Variants in DHRS4L2 observed in about 807,000 individuals in gnomAD.
The protein encoded by DHRS4L2 is dehydrogenase/reductase SDR family member 4-like 2.
DHRS4L2 carries 22 observed loss-of-function variants against 23.9 expected under a neutral mutation model. That is an observed-to-expected ratio of 0.92 (90% CI 0.66 to 1.31). The LOEUF (loss-of-function observed/expected upper bound fraction) is 1.31, where lower values mean the gene tolerates loss of function less well. DHRS4L2 is among the 40% of genes most tolerant of loss of function. The probability of loss-of-function intolerance (pLI) is 0.00; values close to 1 mark genes in which losing one functional copy is unlikely to be tolerated. For missense variants in DHRS4L2, 385 were observed against 303.3 expected (o/e 1.27, Z -2.00); for synonymous variants, 141 against 123.7 (o/e 1.14, Z -0.93).
At chr14:23,976,179 A>G (rs1428446967) in intron 1 of DHRS4L2, among the ~76,000 whole-genome samples, 4 of 151,862 alleles carry the variant, frequency 2.6e-5, no homozygotes, top group Admixed American at 6.6e-5. Context: ...CAACCTACAG[A>G]ATAGGAGAAA....
chr14:23,991,544 C>A (rs1353027710), intron 2 of DHRS4L2, among the ~76,000 whole-genome samples: 2 of 151,666 alleles, frequency 1.3e-5, no homozygotes, highest in Non-Finnish European at 2.9e-5. Flanking sequence ...TGAGCTAAAC[C>A]TTAAGGAATG....
chr14:23,988,847 A>T (rs981542231), upstream of DHRS4L2: 1 of 1,469,888 alleles, frequency 6.8e-7, no homozygotes, highest in African/African-American at 1.4e-5. Flanking sequence ...GAGGGCGGGA[A>T]GGGGGCAGGC....
intron 5 of DHRS4L2, 67 bp from the exon 6 acceptor site, chr14:24,001,317 T>C: frequency 6.3e-7 from 1 of 1,580,620 alleles, no homozygotes. Flanking sequence ...CTGCCCTCTA[T>C]GTCTAGTTAT....
intron 1 of DHRS4L2, among the ~76,000 whole-genome samples, chr14:23,983,137 C>A (rs1440463082): frequency 7.9e-5 from 12 of 151,624 alleles, no homozygotes; most frequent in African/African-American, 2.9e-4. Context: ...ATCCATCTGA[C>A]AAGGGGCTAA....
In DHRS4L2 at chr14:23,993,314, G is replaced by A. The variant is rs1020356945; in HGVS notation, c.307-1718G>A. Among the ~76,000 whole-genome samples, 10 of 151,742 alleles carry A rather than the reference G, an allele frequency of 6.6e-5. 1 individual carries two copies. ...ATTAATACCGATTTTAAAAGATTAT[G>A]TGACTGTAAATTTTGTTAGATTAAC... is the stretch of plus-strand genomic sequence containing the variant. On this transcript the variant is annotated intron_variant, in intron 2 of 7. Transcript: ENST00000335125.
chr14:23,989,265 T>C (rs552118636), intron 1 of DHRS4L2, among the ~76,000 whole-genome samples, 190 bp downstream of exon 1: 1 of 151,814 alleles, frequency 6.6e-6, no homozygotes, highest in East Asian at 1.9e-4. Context: ...CCAGCCCTTC[T>C]GTCCCTGCTG....
intron 1 of DHRS4L2, among the ~76,000 whole-genome samples, chr14:23,983,513 C>A (rs2034088116): frequency 6.6e-6 from 1 of 151,646 alleles, no homozygotes; most frequent in Admixed American, 6.6e-5. Context: ...CCATTTGACC[C>A]AGCAATCCCA....
At chr14:23,984,053 TA>T (rs937787621), upstream of DHRS4L2, among the ~76,000 whole-genome samples, 3 of 150,410 alleles carry the variant, frequency 2.0e-5, no homozygotes, top group African/African-American at 7.3e-5. Context: ...AGAAAAAATG[TA>T]AAAAAAAGAA....
At chr14:23,983,654 G>C (rs1053678046) in intron 1 of DHRS4L2, among the ~76,000 whole-genome samples, 12 of 151,686 alleles carry the variant, frequency 7.9e-5, no homozygotes, top group African/African-American at 2.9e-4. Flanking sequence ...ATGATAGACT[G>C]CATAAAGAAA....
rs548328923 is a variant in DHRS4L2, at chr14:23,988,952, A to C, written c.5A>C (p.Gln2Pro). 1 of 1,612,010 alleles carries C rather than the reference A, an allele frequency of 6.2e-7. No individual in the cohort carries two copies. Among genetic ancestry groups the C allele is most frequent in the African/African-American group, 1.3e-5 (1 of 74,912 alleles). MQMARLLGLCAW... is the reference protein window; with the variant it reads MPMARLLGLCAW... ...CCAGACTTGCTGGTCTGATCCATGC[A>C]GATGGCCAGGCTGCTAGGCCTCTGT... The change falls in exon 1 of 8, where the codon CAG (glutamine) becomes CCG (proline). Residue 2 changes from glutamine (Q) to proline (P), a missense_variant. Gln to Pro is a moderately conservative substitution (Grantham distance 76). Coordinates refer to ENST00000335125, the MANE Select transcript of DHRS4L2 (RefSeq NM_198083.4).
At chr14:23,972,106 A>G (rs980765925) in intron 1 of DHRS4L2, among the ~76,000 whole-genome samples, 1 of 152,034 alleles carries the variant, frequency 6.6e-6, no homozygotes, top group African/African-American at 2.4e-5. Flanking sequence ...AAAGACACAC[A>G]TAGGCCCAAA....
In DHRS4L2 at chr14:23,991,662, G is replaced by A. The variant is rs868319278; in HGVS notation, c.306+1303G>A. On this transcript the variant is annotated intron_variant, in intron 2 of 7. Transcript: ENST00000335125. ...AAGAGAGGAGCACTGTCAGTCCACA[G>A]TGGAGAGCACAGGCTCAGGAGTACT... Among the ~76,000 whole-genome samples the A allele has an allele frequency of 4.6e-3, 699 of 151,600 alleles. 12 individuals are homozygous for A. Among genetic ancestry groups the A allele is most frequent in the African/African-American group, 0.016 (663 of 41,350 alleles).
Position 24,005,988 on chromosome 14 carries a change from G to C in DHRS4L2, c.*125G>C. 7.5e-6 allele frequency: 12 copies of C among 1,607,946 alleles called. No homozygotes were observed. The highest frequency in any genetic ancestry group is 9.3e-6 in the Non-Finnish European group (11 of 1,177,610). Reference sequence around the variant, plus strand: ...CAGTGGTGGTGGGTGGAGGAACCCCGTCCCGCCTCTGAGGACCGGGAGACA... The same window carrying C: ...CAGTGGTGGTGGGTGGAGGAACCCCCTCCCGCCTCTGAGGACCGGGAGACA... On this transcript the variant is annotated 3_prime_UTR_variant, in exon 8 of 8. Transcript: ENST00000335125.
At chr14:23,969,900 C>T (rs1431633378) in exon 1 of DHRS4L2, 2 of 429,792 alleles carry the variant, frequency 4.7e-6, no homozygotes, top group African/African-American at 4.1e-5. Flanking sequence ...CTCTCCGGGC[C>T]GGCGTGGGAG....
At chr14:23,971,206 G>A (rs2033850864) in intron 1 of DHRS4L2, among the ~76,000 whole-genome samples, 1 of 152,000 alleles carries the variant, frequency 6.6e-6, no homozygotes, top group African/African-American at 2.4e-5. Context: ...ACTACTCCCA[G>A]CTAAAGGAAC....
chr14:23,970,152 G>A (rs868764332), exon 1 of DHRS4L2: 6 of 455,718 alleles, frequency 1.3e-5, no homozygotes, highest in Admixed American at 1.2e-4. Flanking sequence ...GGACTGCCTC[G>A]GTCTTTGGGA....
rs148564540 is a variant in DHRS4L2 at position 23,981,297 on chromosome 14, T to G, written c.-175-8885T>G. Among the ~76,000 whole-genome samples, 376 of 151,546 alleles carry G rather than the reference T, an allele frequency of 2.5e-3. 6 individuals carry two copies. The highest frequency in any genetic ancestry group is 8.6e-3 in the African/African-American group (354 of 41,302). On this transcript the variant is annotated intron_variant, in intron 1 of 5. Transcript: ENST00000534993. ...AACTACAAACCACTGCTCAAGGAAA[T>G]AAGTGAGGACACAAACAAATGGAAA...
At chr14:23,971,590 G>T (rs145023054) in intron 1 of DHRS4L2, among the ~76,000 whole-genome samples, 28 of 152,100 alleles carry the variant, frequency 1.8e-4, no homozygotes, top group East Asian at 5.8e-4. Context: ...AAGGTTGGGT[G>T]ACCAACAAAG....
At chr14:23,982,269 C>T (rs879542777) in intron 1 of DHRS4L2, among the ~76,000 whole-genome samples, 3 of 151,700 alleles carry the variant, frequency 2.0e-5, no homozygotes, top group Non-Finnish European at 4.4e-5. Flanking sequence ...TGCCTGTAAA[C>T]ATTTTGTTAA....
Sources: allele counts gnomAD v4.1 joint callset (sites outside exome capture counted in the v4.1 genomes callset), GRCh38; gene constraint gnomAD v4.1.1; transcripts MANE v1.5; gene names NCBI Gene and HGNC (gene_info 2026-07-23, HGNC 2026-07-21).